Variants in ACOT9 observed in about 807,000 individuals in gnomAD.
ACOT9 encodes acyl-CoA thioesterase 9.
In ACOT9, 34 loss-of-function variants were observed where a neutral mutation model predicts 39.7. That is an observed-to-expected ratio of 0.86 (90% CI 0.65 to 1.14). The LOEUF is 1.14. Ranked by LOEUF, ACOT9 falls within the 50% of genes most tolerant of loss-of-function variation. The probability of loss-of-function intolerance (pLI) is 0.00; values close to 1 mark genes in which losing one functional copy is unlikely to be tolerated. For missense variants in ACOT9, 313 were observed against 344.1 expected, an observed-to-expected ratio of 0.91 and a Z score of 0.71; for synonymous variants, 110 against 120.5, an observed-to-expected ratio of 0.91 and a Z score of 0.57.
chrX:23,710,868 G>GTCCCAGCTACTCAGGAGGTCCCA (rs1428218354), intron 9 of ACOT9, among the ~76,000 whole-genome samples: 3 of 110,095 alleles, frequency 2.7e-5, no homozygotes, highest in Non-Finnish European at 5.7e-5. Flanking sequence ...CGGCATGGTG[G>GTCCCAGCTACTCAGGAGGTCCCA]TATGTGCCTG....
Position 23,730,928 on chromosome X carries a change from G to A in ACOT9, c.250C>T (p.Gln84Ter). The A allele has an allele frequency of 1.7e-6, 2 of 1,210,816 alleles. No individual in the cohort carries two copies. The highest frequency in any genetic ancestry group is 2.2e-6 in the Non-Finnish European group (2 of 894,624). The change falls in exon 5 of 16, where the codon CAG becomes TAG. Residue 84 changes from glutamine to a stop codon, truncating the protein, a stop_gained. Transcript: ENST00000379303. LOFTEE classifies it high-confidence loss of function. Reference protein sequence around the residue: ...KLLHSFLAKSQDGLPPRRMKD... With the variant: ...KLLHSFLAKS ...ATTCTCCTAGGAGGCAGTCCATCCT[G>A]TGATTTAGCCAAGAAACTATGAAGT... is the stretch of plus-strand genomic sequence containing the variant.
intron 10 of ACOT9, chrX:23,707,620 C>A: frequency 5.3e-6 from 1 of 187,946 alleles, no homozygotes; most frequent in Non-Finnish European, 9.9e-6. Flanking sequence ...ACCTGTAGTC[C>A]CAGCTACTCA....
At chrX:23,723,537 A>G (rs1218141126) in intron 6 of ACOT9, among the ~76,000 whole-genome samples, 2 of 98,827 alleles carry the variant, frequency 2.0e-5, no homozygotes, top group Non-Finnish European at 4.0e-5. Flanking sequence ...CAGGAGGCAG[A>G]GGTTGCAGTG....
rs138024952 is a variant in ACOT9, at chrX:23,738,167, G to A, written c.21-2151C>T. Reference sequence around the variant, plus strand: ...CAGGCATGAGCCACCGCACCTGGCCGTCTTTTTGTTTTTGACCATCTAATC... The same window carrying A: ...CAGGCATGAGCCACCGCACCTGGCCATCTTTTTGTTTTTGACCATCTAATC... On this transcript the variant is annotated intron_variant, in intron 1 of 15. Transcript: ENST00000379303. Among the ~76,000 whole-genome samples, 444 of 109,282 alleles carry A rather than the reference G, an allele frequency of 4.1e-3. 3 individuals are homozygous for A. The highest frequency in any genetic ancestry group is 0.014 in the African/African-American group (420 of 30,071). The allele number at this position is 109,282 out of a possible 115,157, so 94.9% of individuals were successfully genotyped here. A position where few individuals can be genotyped will look rare whatever the true frequency, so the allele number is the denominator to read the frequency against.
chrX:23,718,329 G>A (rs917458301), intron 8 of ACOT9, among the ~76,000 whole-genome samples: 5 of 111,760 alleles, frequency 4.5e-5, no homozygotes, highest in South Asian at 3.7e-4. Context: ...CAGAGGCAGA[G>A]TGCTTATCCC....
At chrX:23,708,051 G>T in intron 9 of ACOT9, 107 bp from the exon 10 acceptor site, 3 of 708,453 alleles carry the variant, frequency 4.2e-6, no homozygotes, top group Non-Finnish European at 6.2e-6. Flanking sequence ...TTTCATTTTG[G>T]GTAGTGCTTA....
At chrX:23,723,209 T>C (rs1383454388) in intron 6 of ACOT9, among the ~76,000 whole-genome samples, 3 of 112,255 alleles carry the variant, frequency 2.7e-5, no homozygotes, top group African/African-American at 9.7e-5. Flanking sequence ...ATAACACCCT[T>C]GACTCCTATA....
In ACOT9 at chrX:23,743,199, G is replaced by A. The variant is rs951391512; in HGVS notation, c.-55C>T. The A allele has an allele frequency of 1.1e-5, 12 of 1,135,967 alleles. No individual in the cohort carries two copies. The African/African-American group carries it at 2.2e-4, about 21-fold the overall frequency. 93.6% of individuals were successfully genotyped at this position (1,135,967 alleles called of 1,213,427 possible). A position where few individuals can be genotyped will look rare whatever the true frequency, so the allele number is the denominator to read the frequency against. On this transcript the variant is annotated 5_prime_UTR_variant, in exon 1 of 16. Coordinates refer to ENST00000379303, the MANE Select transcript of ACOT9 (RefSeq NM_001037171.2). ...AACCGGGCCCCGCGCGCTAGTCGGCGGAGGGAAACTGAGGCGATAAAAGAC... is the reference window on the plus strand; with the variant it reads ...AACCGGGCCCCGCGCGCTAGTCGGCAGAGGGAAACTGAGGCGATAAAAGAC...
intron 9 of ACOT9, among the ~76,000 whole-genome samples, chrX:23,712,063 T>G (rs747828068): frequency 9.0e-6 from 1 of 110,743 alleles, no homozygotes; most frequent in African/African-American, 3.3e-5. Flanking sequence ...TAAGAAACAA[T>G]AGGGGAAGAC....
intron 6 of ACOT9, among the ~76,000 whole-genome samples, chrX:23,730,092 AT>A (rs34896210): frequency 4.0e-4 from 31 of 78,468 alleles, no homozygotes; most frequent in South Asian, 7.3e-4. Flanking sequence ...AGTAGATGCC[AT>A]TTTTTTTTTT....
chrX:23,741,835 C>T (rs969804031), intron 1 of ACOT9, among the ~76,000 whole-genome samples: 1 of 110,879 alleles, frequency 9.0e-6, no homozygotes, highest in Non-Finnish European at 1.9e-5. Flanking sequence ...CCACCACTCC[C>T]GGCTAATTTT....
chrX:23,704,431 C>T (rs953249962), intron 15 of ACOT9, among the ~76,000 whole-genome samples: 1 of 106,899 alleles, frequency 9.4e-6, no homozygotes, highest in Non-Finnish European at 1.9e-5. Context: ...CTGCCCGTCT[C>T]GGCCTCCCAA....
rs745891994 is a variant in ACOT9, at chrX:23,701,520, G to A, written c.*2374C>T. On this transcript the variant is annotated 3_prime_UTR_variant, in exon 16 of 16. Transcript: ENST00000379303. ...TGAGACAGGGTCTTGCTGTCACCCA[G>A]ACTGGAGTGCAGTGGCATGATCATA... is the stretch of plus-strand genomic sequence containing the variant. 2.7e-5 allele frequency among the ~76,000 whole-genome samples: 3 copies of A among 111,280 alleles called. No individual in the cohort carries two copies. Among genetic ancestry groups the A allele is most frequent in the Non-Finnish European group, 5.7e-5 (3 of 53,037 alleles).
At position 23,705,993 on chromosome X, in the gene ACOT9, G is replaced by T. The variant is rs377199716; in HGVS notation, c.843-135C>A. ...GAAGGCCAAGGTTTAGGCCAGGCGC[G>T]GTGGCTCACGCCTGTAATCCCAACA... On this transcript the variant is annotated intron_variant, in intron 11 of 15. Transcript: ENST00000379303. 1.5e-4 allele frequency: 80 copies of T among 519,445 alleles called. No individual in the cohort carries two copies. The African/African-American group carries it at 1.7e-3, about 11-fold the overall frequency. 42.8% of individuals were successfully genotyped at this position (519,445 alleles called of 1,213,427 possible). A position where few individuals can be genotyped will look rare whatever the true frequency, so the allele number is the denominator to read the frequency against.
chrX:23,730,440 G>T (rs1929694682), intron 6 of ACOT9, 87 bp downstream of exon 6: 1 of 757,519 alleles, frequency 1.3e-6, no homozygotes, highest in Non-Finnish European at 2.0e-6. Context: ...ATCTGTGCAG[G>T]TTAAAGAATA....
intron 13 of ACOT9, 97 bp from the exon 14 acceptor site, chrX:23,705,177 C>G: frequency 6.3e-6 from 5 of 789,799 alleles, no homozygotes; most frequent in Non-Finnish European, 9.4e-6. Context: ...TAAAAATGAA[C>G]GAAGAATAAA....
intron 8 of ACOT9, among the ~76,000 whole-genome samples, chrX:23,716,020 C>T (rs1929063250): frequency 1.8e-5 from 2 of 111,688 alleles, no homozygotes; most frequent in African/African-American, 6.5e-5. Context: ...GAGTAGAGTC[C>T]GCAGTGGAAG....
At chrX:23,738,524 T>C (rs1930021172) in intron 1 of ACOT9, among the ~76,000 whole-genome samples, 1 of 110,065 alleles carries the variant, frequency 9.1e-6, no homozygotes, top group East Asian at 2.9e-4. Context: ...CAGAATCACT[T>C]GAACCCAGGA....
chrX:23,706,558 CAAAAAAAA>C (rs35002168), intron 11 of ACOT9, 62 bp downstream of exon 11: 6 of 263,802 alleles, frequency 2.3e-5, no homozygotes, highest in Admixed American at 6.0e-5. Flanking sequence ...AACTCCGTCT[CAAAAAAAA>C]AAAAAAAAAA....
Sources: allele counts gnomAD v4.1 joint callset (sites outside exome capture counted in the v4.1 genomes callset), GRCh38; gene constraint gnomAD v4.1.1; transcripts MANE v1.5; gene names NCBI Gene and HGNC (gene_info 2026-07-23, HGNC 2026-07-21).